TMEM131: variants seen among roughly 807,000 people sequenced by gnomAD.
TMEM131 encodes the protein transmembrane protein 131, also known as 2610524E03Rik.
In TMEM131, 66 loss-of-function variants were observed where a neutral mutation model predicts 211.6. That is an observed-to-expected ratio of 0.31 (90% CI 0.26 to 0.38). The LOEUF is 0.38. Among genes scored for constraint, TMEM131 ranks in the 10% least tolerant of loss-of-function variants. The pLI is 1.00. For missense variants in TMEM131, 2,036 were observed against 2,299.3 expected (o/e 0.89, Z 2.34); for synonymous variants, 844 against 841.3 (o/e 1.00, Z -0.06).
chr2:97,975,363 T>A (rs1028207091), intron 1 of TMEM131, among the ~76,000 whole-genome samples: 3 of 152,046 alleles, frequency 2.0e-5, no homozygotes, highest in African/African-American at 7.2e-5. Flanking sequence ...AGATTAAAAT[T>A]AATAAACTTG....
chr2:97,805,721 A>T lies in TMEM131; in HGVS notation c.2056-18T>A, dbSNP rs777936039. On this transcript the variant is annotated intron_variant, in intron 19 of 40. Transcript: ENST00000186436. ...ATTTTCCCCTGAAGGAAGAAAGCAA[A>T]GAACAAACTCATTTGTATATGGTTA... is the stretch of plus-strand genomic sequence containing the variant. 3 of 1,575,800 alleles carry T rather than the reference A, an allele frequency of 1.9e-6. No homozygotes were observed. Among genetic ancestry groups the T allele is most frequent in the African/African-American group, 2.7e-5 (2 of 73,396 alleles).
chr2:97,929,422 A>G (rs895066975), intron 1 of TMEM131, among the ~76,000 whole-genome samples: 1 of 151,826 alleles, frequency 6.6e-6, no homozygotes, highest in Non-Finnish European at 1.5e-5. Flanking sequence ...CATTTGGCTT[A>G]ATATGGAATT....
At chr2:97,962,270 G>A (rs1316047057) in intron 1 of TMEM131, among the ~76,000 whole-genome samples, 6 of 152,160 alleles carry the variant, frequency 3.9e-5, no homozygotes, top group East Asian at 1.9e-4. Flanking sequence ...TTGGGAGGCC[G>A]AGGCAGGTGG....
At chr2:97,765,977 G>T in intron 35 of TMEM131, 137 bp downstream of exon 35, 1 of 1,110,776 alleles carries the variant, frequency 9.0e-7, no homozygotes, top group South Asian at 1.7e-5. Context: ...GATTAGGCTA[G>T]TTAACAATGG....
At chr2:97,852,707 C>T (rs896753210) in intron 5 of TMEM131, among the ~76,000 whole-genome samples, 1 of 152,206 alleles carries the variant, frequency 6.6e-6, no homozygotes, top group South Asian at 2.1e-4. Flanking sequence ...AACGTGGCCA[C>T]ACTAAACAAC....
intron 3 of TMEM131, among the ~76,000 whole-genome samples, chr2:97,892,474 C>T (rs1330713569): frequency 6.6e-6 from 1 of 152,118 alleles, no homozygotes; most frequent in Non-Finnish European, 1.5e-5. Flanking sequence ...CACCCTCTTG[C>T]TTCATCCTCC....
chr2:97,969,277 T>C (rs765442072), intron 1 of TMEM131, among the ~76,000 whole-genome samples: 1 of 152,170 alleles, frequency 6.6e-6, no homozygotes, highest in Non-Finnish European at 1.5e-5. Context: ...AGCCGCCTAA[T>C]GATAGGGGCA....
At chr2:97,766,623 G>A in intron 33 of TMEM131, 21 bp from the exon 34 acceptor site, 3 of 1,611,964 alleles carry the variant, frequency 1.9e-6, no homozygotes, top group Non-Finnish European at 2.5e-6. Context: ...ATCAGGGATG[G>A]AAAATACAAA....
At chr2:97,851,436 G>A (rs1352157888) in intron 5 of TMEM131, among the ~76,000 whole-genome samples, 1 of 152,104 alleles carries the variant, frequency 6.6e-6, no homozygotes, top group Non-Finnish European at 1.5e-5. Context: ...ATCCTGTTGG[G>A]TGTATCTTCA....
At chr2:97,851,345 ACT>A (rs1342682143) in intron 5 of TMEM131, among the ~76,000 whole-genome samples, 1 of 151,830 alleles carries the variant, frequency 6.6e-6, no homozygotes, top group Non-Finnish European at 1.5e-5. Context: ...AGCTGACTCA[ACT>A]CTGTCCTTCT....
chr2:97,834,964 TA>T, intron 8 of TMEM131, 39 bp from the exon 9 acceptor site: 4 of 1,608,136 alleles, frequency 2.5e-6, no homozygotes, highest in Non-Finnish European at 3.4e-6. Flanking sequence ...ACAGCTTTTG[TA>T]ATGTAGCAAA....
intron 3 of TMEM131, among the ~76,000 whole-genome samples, chr2:97,900,122 G>GT (rs1328290567): frequency 3.3e-5 from 5 of 152,110 alleles, no homozygotes; most frequent in African/African-American, 1.2e-4. Flanking sequence ...TACAGGTAGA[G>GT]TATCAGTCGT....
At chr2:97,875,288 T>C (rs1248873848) in intron 4 of TMEM131, among the ~76,000 whole-genome samples, 1 of 152,188 alleles carries the variant, frequency 6.6e-6, no homozygotes, top group East Asian at 1.9e-4. Flanking sequence ...AACACCCTAT[T>C]GTCCGTATTA....
intron 1 of TMEM131, among the ~76,000 whole-genome samples, chr2:97,943,040 A>G (rs796751616): frequency 0.016 from 727 of 45,036 alleles, 16 homozygotes; most frequent in African/African-American, 0.054. Context: ...AGAAAAGAAA[A>G]GAAAGAAAGA....
intron 31 of TMEM131, among the ~76,000 whole-genome samples, chr2:97,781,921 G>A (rs1001434460): frequency 1.3e-5 from 2 of 152,192 alleles, no homozygotes; most frequent in African/African-American, 2.4e-5. Context: ...CAACACCACG[G>A]TAAGAACTGG....
At position 97,759,659 on chromosome 2, in the gene TMEM131, T is replaced by C; in HGVS notation, c.5199A>G (p.Leu1733=). 3 of 1,612,542 alleles carry C rather than the reference T, an allele frequency of 1.9e-6. No homozygotes were observed. The highest frequency in any genetic ancestry group is 1.1e-5 in the South Asian group (1 of 90,794). ...CTAGTGTTAAACACTCACCACCAGT[T>C]AGATTAAAAGAGTTTCCAAAGGCGG... ...SFSAFGNSFN[L]TGEVFSKLGL... The change falls in exon 39 of 41, where the codon CTA becomes CTG. Residue 1733 remains leucine, a synonymous_variant. Transcript: ENST00000186436.
chr2:97,829,484 G>C (rs946551941), intron 11 of TMEM131, among the ~76,000 whole-genome samples: 4 of 152,186 alleles, frequency 2.6e-5, no homozygotes, highest in African/African-American at 9.7e-5. Flanking sequence ...CTAAAGGATT[G>C]TAAATGCAAC....
intron 33 of TMEM131, among the ~76,000 whole-genome samples, chr2:97,768,336 G>T (rs1220363283): frequency 6.6e-6 from 1 of 152,140 alleles, no homozygotes; most frequent in Non-Finnish European, 1.5e-5. Context: ...AACCCCAAAG[G>T]CTCCCATAGT....
chr2:97,806,179 T>C (rs1388489587), intron 19 of TMEM131, among the ~76,000 whole-genome samples: 1 of 152,196 alleles, frequency 6.6e-6, no homozygotes, highest in Non-Finnish European at 1.5e-5. Flanking sequence ...GAAAAATATA[T>C]GTCATTTGTA....
Sources: gnomAD v4.1 joint callset for allele counts (sites outside exome capture counted in the v4.1 genomes callset) on GRCh38, gnomAD v4.1.1 for gene constraint, MANE v1.5 for transcripts, NCBI Gene and HGNC (gene_info 2026-07-23, HGNC 2026-07-21) for gene names.